Variants in DNER observed in about 807,000 individuals in gnomAD.
The protein encoded by DNER is delta/notch like EGF repeat containing.
Under a neutral mutation model 78.2 loss-of-function variants are expected in DNER, and 33 were observed. The ratio of observed to expected loss-of-function variants is 0.42; its 90% CI spans 0.32 to 0.56. The LOEUF (loss-of-function observed/expected upper bound fraction) is 0.56. Ranked by LOEUF, DNER falls within the 20% of genes least tolerant of loss-of-function variation. The pLI, the probability that DNER is intolerant of heterozygous loss-of-function variation, is 0.11. For synonymous variants in DNER, 417 were observed against 384.8 expected (o/e 1.08, Z -0.98); for missense variants, 918 against 975.3 (o/e 0.94, Z 0.78).
chr2:229,498,076 A>T (rs1462217171), intron 6 of DNER, among the ~76,000 whole-genome samples: 4 of 152,164 alleles, frequency 2.6e-5, no homozygotes, highest in Admixed American at 6.5e-5. Context: ...AGAATCATTC[A>T]CCACAATCAA....
chr2:229,360,606 G>T (rs1362365221), intron 12 of DNER, among the ~76,000 whole-genome samples: 9 of 152,048 alleles, frequency 5.9e-5, no homozygotes, highest in African/African-American at 2.2e-4. Context: ...TAGAGACGGG[G>T]TTTCACTGTG....
intron 5 of DNER, among the ~76,000 whole-genome samples, chr2:229,545,902 G>A (rs1559162725): frequency 1.3e-5 from 2 of 152,166 alleles, no homozygotes; most frequent in South Asian, 4.1e-4. Context: ...AGGGAAATGC[G>A]AAGACTAAGG....
rs138439305 is a variant in DNER at position 229,499,922 on chromosome 2, A to ACTTT, written c.1147+12857_1147+12860dup. Among the ~76,000 whole-genome samples, 36 of 115,614 alleles carry ACTTT rather than the reference A, an allele frequency of 3.1e-4. 6 individuals carry two copies. Among genetic ancestry groups the ACTTT allele is most frequent in the Non-Finnish European group, 3.8e-4 (21 of 55,890 alleles). 75.8% of individuals were successfully genotyped at this position (115,614 alleles called of 152,430 possible). On this transcript the variant is annotated intron_variant, in intron 6 of 12. Transcript: ENST00000341772. Reference sequence around the variant, plus strand: ...AAAAATGGGCAAAAAATCTGAATAGACTTTCTTTCTTTTTTTTTTTTTTTC... The same window carrying ACTTT: ...AAAAATGGGCAAAAAATCTGAATAGACTTTCTTTCTTTCTTTTTTTTTTTTTTTC...
At chr2:229,384,050 A>G (rs113445424) in intron 11 of DNER, among the ~76,000 whole-genome samples, 4,474 of 152,338 alleles carry the variant, frequency 0.029, 97 homozygotes, top group African/African-American at 0.06. Context: ...TGGAAATCAT[A>G]AGAAACAGTC....
intron 1 of DNER, among the ~76,000 whole-genome samples, chr2:229,593,021 TTTGGGG>T (rs769338037): frequency 2.6e-5 from 4 of 152,240 alleles, no homozygotes; most frequent in African/African-American, 4.8e-5. Context: ...TATTAAGGGA[TTTGGGG>T]TTGAATCAAA....
intron 1 of DNER, among the ~76,000 whole-genome samples, chr2:229,683,014 T>G (rs1010357484): frequency 6.6e-6 from 1 of 152,212 alleles, no homozygotes; most frequent in Non-Finnish European, 1.5e-5. Flanking sequence ...CAAATTTATT[T>G]TGTAAGATAG....
intron 1 of DNER, among the ~76,000 whole-genome samples, chr2:229,684,165 AGAGAGTGTGTGTGTGTGT>A (rs1699442017): frequency 8.5e-6 from 1 of 117,022 alleles, no homozygotes; most frequent in Non-Finnish European, 1.7e-5. Flanking sequence ...AGAGAGAGAG[AGAGAGTGTGTGTGTGTGT>A]GTGTGTGTGT....
intron 8 of DNER, among the ~76,000 whole-genome samples, chr2:229,442,165 C>T (rs996015681): frequency 6.6e-6 from 1 of 152,106 alleles, no homozygotes; most frequent in African/African-American, 2.4e-5. Flanking sequence ...CAATCTACAA[C>T]TCTCAAGAAT....
intron 5 of DNER, among the ~76,000 whole-genome samples, chr2:229,524,876 T>C: frequency 6.6e-6 from 1 of 152,218 alleles, no homozygotes. Context: ...GCTTTTGTCC[T>C]TCTGGGGCTG....
intron 9 of DNER, 30 bp downstream of exon 9, chr2:229,418,078 C>A: frequency 6.2e-7 from 1 of 1,614,054 alleles, no homozygotes; most frequent in Non-Finnish European, 8.5e-7. Context: ...TAGAGCCATT[C>A]TGGCACAGGA....
intron 7 of DNER, among the ~76,000 whole-genome samples, chr2:229,449,148 G>A (rs1238212088): frequency 4.6e-5 from 7 of 152,130 alleles, no homozygotes; most frequent in Admixed American, 6.5e-5. Context: ...CATACAATCA[G>A]TTTTAATAAC....
chr2:229,429,548 G>A (rs967977827), intron 8 of DNER, among the ~76,000 whole-genome samples: 5 of 152,206 alleles, frequency 3.3e-5, no homozygotes, highest in African/African-American at 7.2e-5. Context: ...TGAGGCAAAC[G>A]TGATTTTAAA....
chr2:229,489,455 A>G (rs976963660), intron 6 of DNER, among the ~76,000 whole-genome samples: 2 of 151,750 alleles, frequency 1.3e-5, no homozygotes, highest in East Asian at 3.9e-4. Flanking sequence ...TGTGGGATCA[A>G]AAGGAGGCAG....
At chr2:229,477,405 A>G in intron 6 of DNER, 152 bp from the exon 7 acceptor site, 1 of 527,682 alleles carries the variant, frequency 1.9e-6, no homozygotes, top group Non-Finnish European at 3.3e-6. Flanking sequence ...TATTTTTACA[A>G]ACTATGGTAG....
At chr2:229,606,959 T>C (rs1283409776) in intron 1 of DNER, among the ~76,000 whole-genome samples, 1 of 151,224 alleles carries the variant, frequency 6.6e-6, no homozygotes, top group Non-Finnish European at 1.5e-5. Context: ...AGAAGTGGAG[T>C]GACACTTTTC....
intron 12 of DNER, 122 bp from the exon 13 acceptor site, chr2:229,358,773 C>A: frequency 1.3e-6 from 1 of 780,104 alleles, no homozygotes; most frequent in Admixed American, 2.9e-5. Context: ...TATTCTATAG[C>A]AAGCATAGAA....
chr2:229,390,934 C>T lies in DNER; in HGVS notation c.1724-2538G>A, dbSNP rs11885681. On this transcript the variant is annotated intron_variant, in intron 10 of 12. Coordinates refer to ENST00000341772, the MANE Select transcript of DNER (RefSeq NM_139072.4). ...TTATTGTAATGGCCTCTTTTATAGA[C>T]AAACCCTCCTACGCATCTAGTTGAA... is the stretch of plus-strand genomic sequence containing the variant. 4.6e-3 allele frequency among the ~76,000 whole-genome samples: 707 copies of T among 152,228 alleles called. 5 individuals are homozygous for T. The highest frequency in any genetic ancestry group is 0.016 in the African/African-American group (644 of 41,538).
At chr2:229,684,145 T>TGA (rs67820927) in intron 1 of DNER, among the ~76,000 whole-genome samples, 1,795 of 122,898 alleles carry the variant, frequency 0.015, 28 homozygotes, top group Middle Eastern at 0.038. Context: ...TCTGTGTATG[T>TGA]GAGAGAGAGA....
intron 7 of DNER, among the ~76,000 whole-genome samples, chr2:229,450,878 TC>T (rs1694440308): frequency 6.6e-6 from 1 of 152,194 alleles, no homozygotes; most frequent in Non-Finnish European, 1.5e-5. Context: ...AAACCTGTAG[TC>T]CTTGGTCACA....
Sources: gnomAD v4.1 joint callset for allele counts (sites outside exome capture counted in the v4.1 genomes callset) on GRCh38, gnomAD v4.1.1 for gene constraint, MANE v1.5 for transcripts, NCBI Gene and HGNC (gene_info 2026-07-23, HGNC 2026-07-21) for gene names.